The following ADAMTS16 variants were observed in gnomAD, a reference collection of about 807,000 sequenced individuals.
ADAMTS16 encodes ADAM metallopeptidase with thrombospondin type 1 motif 16, also known as A disintegrin and metalloproteinase with thrombospondin motifs 16.
In ADAMTS16, 94 loss-of-function variants were observed where a neutral mutation model predicts 145.8. The ratio of observed to expected loss-of-function variants is 0.64; its 90% CI spans 0.55 to 0.77. The LOEUF (loss-of-function observed/expected upper bound fraction) is 0.77, where lower values mean the gene tolerates loss of function less well. Among genes scored for constraint, ADAMTS16 ranks in the 30% least tolerant of loss-of-function variants. ADAMTS16 has a pLI of 0.00. For missense variants in ADAMTS16, 1,585 were observed against 1,591.5 expected (o/e 1.00, Z 0.07); for synonymous variants, 659 against 604.3 (o/e 1.09, Z -1.33).
intron 13 of ADAMTS16, among the ~76,000 whole-genome samples, chr5:5,236,596 T>C (rs896196642): frequency 8.2e-6 from 1 of 121,542 alleles, no homozygotes; most frequent in African/African-American, 3.1e-5. Context: ...GAATTTTGTG[T>C]GTTACTACAA....
intron 9 of ADAMTS16, among the ~76,000 whole-genome samples, chr5:5,206,590 C>T (rs1000187953): frequency 2.6e-5 from 4 of 151,464 alleles, no homozygotes; most frequent in South Asian, 2.1e-4. Context: ...AGCGATTCTC[C>T]TGCCTCAGCC....
At chr5:5,259,226 G>A (rs550331624) in intron 17 of ADAMTS16, among the ~76,000 whole-genome samples, 3 of 152,304 alleles carry the variant, frequency 2.0e-5, no homozygotes, top group Middle Eastern at 3.4e-3. Context: ...ACCTGTGCAT[G>A]TCTCTGGCCT....
At position 5,319,655 on chromosome 5, in the gene ADAMTS16, C is replaced by T; in HGVS notation, c.*517C>T. On this transcript the variant is annotated 3_prime_UTR_variant, in exon 23 of 23. Transcript: ENST00000274181. Reference sequence around the variant, plus strand: ...GTCAGGGGAGCTCCAGGAGGCTGCCCAGGCTCCTCCTCCTCCTCCCCAGCG... The same window carrying T: ...GTCAGGGGAGCTCCAGGAGGCTGCCTAGGCTCCTCCTCCTCCTCCCCAGCG... 2.9e-6 allele frequency: 1 copy of T among 350,234 alleles called. No homozygotes were observed. Among genetic ancestry groups the T allele is most frequent in the South Asian group, 2.2e-5 (1 of 44,538 alleles). The allele number at this position is 350,234 out of a possible 1,614,324, so 21.7% of individuals were successfully genotyped here.
rs923035798 is a variant in ADAMTS16 at position 5,182,228 on chromosome 5, C to T, written c.686C>T (p.Ala229Val). The T allele has an allele frequency of 1.2e-6, 2 of 1,614,044 alleles. No individual in the cohort carries two copies. The highest frequency in any genetic ancestry group is 8.5e-7 in the Non-Finnish European group (1 of 1,180,040). ...VLVTSRTWEL[A>V]HQPLHSSDLR... The stretch of plus-strand genomic sequence containing the variant: ...GTGACCTCAAGGACATGGGAGCTGG[C>T]ACATCAACCCCTGCACAGCAGCGAC... The change falls in exon 4 of 23, where the codon GCA becomes GTA. Residue 229 changes from alanine (A) to valine (V), a missense_variant. Coordinates refer to ENST00000274181, the MANE Select transcript of ADAMTS16 (RefSeq NM_139056.4).
intron 17 of ADAMTS16, among the ~76,000 whole-genome samples, chr5:5,251,918 G>A (rs553047821): frequency 3.3e-5 from 5 of 152,042 alleles, no homozygotes; most frequent in East Asian, 1.9e-4. Flanking sequence ...GTGCAGTGGC[G>A]CGACCTCGGC....
intron 17 of ADAMTS16, 75 bp downstream of exon 17, chr5:5,242,266 C>A: frequency 6.4e-7 from 1 of 1,559,880 alleles, no homozygotes; most frequent in East Asian, 2.3e-5. Flanking sequence ...ACTGGCCTTT[C>A]TTGAATCCTA....
At chr5:5,184,830 C>T (rs908449175) in intron 4 of ADAMTS16, among the ~76,000 whole-genome samples, 2 of 152,076 alleles carry the variant, frequency 1.3e-5, no homozygotes, top group African/African-American at 4.8e-5. Context: ...ATACTGAGGG[C>T]CTGTAGCTGC....
At chr5:5,150,019 A>T (rs1579272498) in intron 3 of ADAMTS16, among the ~76,000 whole-genome samples, 1 of 152,194 alleles carries the variant, frequency 6.6e-6, no homozygotes, top group African/African-American at 2.4e-5. Context: ...TTGTATGAAC[A>T]TGTGTCTTCA....
intron 18 of ADAMTS16, among the ~76,000 whole-genome samples, chr5:5,271,166 G>A (rs1009056340): frequency 7.9e-5 from 12 of 152,242 alleles, no homozygotes; most frequent in South Asian, 4.1e-4. Context: ...CCCAGAGGCC[G>A]TCCTGCAGCC....
chr5:5,309,830 G>GTT (rs1185897719), intron 21 of ADAMTS16, among the ~76,000 whole-genome samples: 28 of 79,090 alleles, frequency 3.5e-4, no homozygotes, highest in African/African-American at 8.9e-4. Context: ...ATGTCCTCGT[G>GTT]TGTGTGTGTG....
At position 5,306,676 on chromosome 5, in the gene ADAMTS16, T is replaced by C; in HGVS notation, c.3359T>C (p.Phe1120Ser). Residue 1120 changes from phenylalanine to serine, a missense_variant, in exon 21 of 23, where the codon TTT becomes TCT. Physicochemically the swap from Phe to Ser is radical, Grantham distance 155. Around this residue, in one of 3 missense-constraint regions of ADAMTS16, gnomAD observed 834 missense variants for 811.7 expected, o/e 1.03. Coordinates refer to ENST00000274181, the MANE Select transcript of ADAMTS16 (RefSeq NM_139056.4). Reference protein sequence around the residue: ...APLPCPRHPPFAAAGPSRGSW... With the variant: ...APLPCPRHPPSAAAGPSRGSW... ...CTTCCATGCCCCAGGCACCCCCCAT[T>C]TGCTGCTGCGGGACCCTCGAGGGGC... is the stretch of plus-strand genomic sequence containing the variant. The C allele has an allele frequency of 6.2e-7, 1 of 1,613,886 alleles. No homozygotes were observed. Among genetic ancestry groups the C allele is most frequent in the Non-Finnish European group, 8.5e-7 (1 of 1,179,978 alleles).
intron 3 of ADAMTS16, among the ~76,000 whole-genome samples, chr5:5,177,352 A>G (rs771589190): frequency 2.6e-5 from 4 of 152,278 alleles, no homozygotes; most frequent in Non-Finnish European, 4.4e-5. Context: ...TGAAGCCTGG[A>G]CTTCTTTGGG....
intron 17 of ADAMTS16, among the ~76,000 whole-genome samples, chr5:5,260,499 C>G (rs1737972834): frequency 6.6e-6 from 1 of 152,178 alleles, no homozygotes; most frequent in African/African-American, 2.4e-5. Flanking sequence ...AACCACTTAC[C>G]TGGGTTAAAT....
rs1737951854 is a variant in ADAMTS16 at position 5,260,021 on chromosome 5, A to G, written c.2663-2636A>G. Among the ~76,000 whole-genome samples the G allele has an allele frequency of 2.0e-5, 3 of 152,246 alleles. No homozygotes were observed. In the South Asian group the frequency reaches 6.2e-4, roughly 31 times the overall value. On this transcript the variant is annotated intron_variant, in intron 17 of 22. Coordinates refer to ENST00000274181, the MANE Select transcript of ADAMTS16 (RefSeq NM_139056.4). ...GATTTTCCTAAATTGATCTTTTAGA[A>G]CAGATGTTGAATCTACAGACTTACC...
intron 11 of ADAMTS16, among the ~76,000 whole-genome samples, chr5:5,229,486 C>T (rs1451554871): frequency 2.0e-5 from 3 of 151,884 alleles, no homozygotes; most frequent in Admixed American, 1.3e-4. Flanking sequence ...GCGTGTATAC[C>T]CTTTCTGCAG....
chr5:5,194,940 T>G (rs2126582806), intron 8 of ADAMTS16, among the ~76,000 whole-genome samples: 1 of 152,318 alleles, frequency 6.6e-6, no homozygotes, highest in South Asian at 2.1e-4. Flanking sequence ...AGGACATTAT[T>G]TGGGATGGAG....
chr5:5,158,570 G>C (rs1397271126), intron 3 of ADAMTS16, among the ~76,000 whole-genome samples: 1 of 152,140 alleles, frequency 6.6e-6, no homozygotes, highest in Non-Finnish European at 1.5e-5. Context: ...AAGCAGGGAA[G>C]CAAATGGGGC....
chr5:5,165,450 G>GTA (rs1347334073), intron 3 of ADAMTS16, among the ~76,000 whole-genome samples: 1 of 152,102 alleles, frequency 6.6e-6, no homozygotes, highest in African/African-American at 2.4e-5. Flanking sequence ...TAATAATATG[G>GTA]TATAAAATAC....
At chr5:5,158,904 A>G (rs1397222892) in intron 3 of ADAMTS16, among the ~76,000 whole-genome samples, 1 of 152,230 alleles carries the variant, frequency 6.6e-6, no homozygotes, top group Admixed American at 6.5e-5. Flanking sequence ...GAGATTGCCT[A>G]TCGTGTATTA....
Sources: allele counts gnomAD v4.1 joint callset (sites outside exome capture counted in the v4.1 genomes callset), GRCh38; gene constraint gnomAD v4.1.1; regional missense constraint gnomAD v4.1.1; transcripts MANE v1.5; gene names NCBI Gene and HGNC (gene_info 2026-07-23, HGNC 2026-07-21).